HS6ST3: variants seen among roughly 807,000 people sequenced by gnomAD.
HS6ST3 encodes the protein heparan-sulfate 6-O-sulfotransferase 3.
A neutral mutation model predicts 36.7 loss-of-function variants in HS6ST3; 12 were observed. The observed-to-expected ratio is 0.33, with a 90% CI of 0.21 to 0.53. The LOEUF is 0.53. HS6ST3 is among the 20% of genes least tolerant of loss of function. The probability of loss-of-function intolerance (pLI) is 0.95; values close to 1 mark genes in which losing one functional copy is unlikely to be tolerated. For synonymous variants in HS6ST3, 240 were observed against 257.5 expected (o/e 0.93, Z 0.65); for missense variants, 584 against 640.9 (o/e 0.91, Z 0.96).
At chr13:96,400,290 CACACACAGACACACAGAT>C (rs2055443966) in intron 1 of HS6ST3, among the ~76,000 whole-genome samples, 2 of 143,928 alleles carry the variant, frequency 1.4e-5, no homozygotes, top group African/African-American at 5.1e-5. Flanking sequence ...CACATATAGA[CACACACAGACACACAGAT>C]ACACACACAC....
chr13:96,104,203 G>A (rs908704039), intron 1 of HS6ST3, among the ~76,000 whole-genome samples: 5 of 152,108 alleles, frequency 3.3e-5, no homozygotes, highest in East Asian at 1.9e-4. Context: ...AAGAAAGCAC[G>A]AAGTTACTTT....
chr13:96,223,363 A>G (rs750542584), intron 1 of HS6ST3, among the ~76,000 whole-genome samples: 4 of 152,222 alleles, frequency 2.6e-5, no homozygotes, highest in Non-Finnish European at 4.4e-5. Context: ...TGGTCAGCAC[A>G]GCCCCCAGAC....
chr13:96,800,990 C>A (rs1031207537), intron 1 of HS6ST3, among the ~76,000 whole-genome samples: 1 of 152,082 alleles, frequency 6.6e-6, no homozygotes, highest in Non-Finnish European at 1.5e-5. Context: ...TCCTTTAATT[C>A]TCAACCCAAT....
At chr13:96,527,958 T>TG (rs2056120548) in intron 1 of HS6ST3, among the ~76,000 whole-genome samples, 1 of 152,134 alleles carries the variant, frequency 6.6e-6, no homozygotes, top group African/African-American at 2.4e-5. Flanking sequence ...CCTTTCAAGG[T>TG]GGGGGCACTA....
chr13:96,154,240 GTT>G (rs1372404544), intron 1 of HS6ST3, among the ~76,000 whole-genome samples: 1 of 152,024 alleles, frequency 6.6e-6, no homozygotes, highest in Non-Finnish European at 1.5e-5. Context: ...TCATTGAACT[GTT>G]TCAACAGTGC....
intron 1 of HS6ST3, among the ~76,000 whole-genome samples, chr13:96,819,603 A>T (rs1208864311): frequency 2.6e-5 from 4 of 152,224 alleles, no homozygotes; most frequent in Non-Finnish European, 5.9e-5. Flanking sequence ...CAGGCCACGC[A>T]GTGTACCATT....
intron 1 of HS6ST3, among the ~76,000 whole-genome samples, chr13:96,786,749 G>T (rs1372434254): frequency 6.6e-6 from 1 of 151,980 alleles, no homozygotes; most frequent in Non-Finnish European, 1.5e-5. Flanking sequence ...TTTTTATATA[G>T]TCAAATTGAC....
intron 1 of HS6ST3, among the ~76,000 whole-genome samples, chr13:96,548,612 A>G (rs1336576377): frequency 6.6e-6 from 1 of 152,178 alleles, no homozygotes; most frequent in Non-Finnish European, 1.5e-5. Flanking sequence ...ACCTATGTGT[A>G]TGTCTATCTA....
At chr13:96,472,327 C>T (rs1191814895) in intron 1 of HS6ST3, among the ~76,000 whole-genome samples, 2 of 152,166 alleles carry the variant, frequency 1.3e-5, no homozygotes, top group Non-Finnish European at 2.9e-5. Flanking sequence ...TCTCTTCAGT[C>T]TCATTTCTTT....
chr13:96,670,845 G>A (rs1003262206), intron 1 of HS6ST3, among the ~76,000 whole-genome samples: 16 of 152,070 alleles, frequency 1.1e-4, no homozygotes, highest in African/African-American at 1.9e-4. Flanking sequence ...TTTTGCATCT[G>A]TGCAGCCAGA....
chr13:96,364,219 T>G lies in HS6ST3; in HGVS notation c.707+272650T>G, dbSNP rs142221103. On this transcript the variant is annotated intron_variant, in intron 1 of 1. Coordinates refer to ENST00000376705, the MANE Select transcript of HS6ST3 (RefSeq NM_153456.4). The stretch of plus-strand genomic sequence containing the variant: ...GGTGCAACCACCATGGAAAACAGTT[T>G]GATGATGCCTCAAAAAGTTAAACAT... Among the ~76,000 whole-genome samples the G allele has an allele frequency of 4.6e-5, 7 of 152,266 alleles. 1 individual carries two copies. The highest frequency in any genetic ancestry group is 1.7e-4 in the African/African-American group (7 of 41,566).
intron 1 of HS6ST3, among the ~76,000 whole-genome samples, chr13:96,203,043 A>G (rs759399200): frequency 1.2e-4 from 19 of 152,064 alleles, no homozygotes; most frequent in Admixed American, 3.3e-4. Context: ...TCATTTACTC[A>G]TTCATGTTAC....
intron 1 of HS6ST3, among the ~76,000 whole-genome samples, chr13:96,503,058 T>G (rs1241824925): frequency 1.3e-5 from 2 of 152,222 alleles, no homozygotes; most frequent in Non-Finnish European, 2.9e-5. Flanking sequence ...AGAGTTTTTC[T>G]TCTTAAATGA....
intron 1 of HS6ST3, among the ~76,000 whole-genome samples, chr13:96,136,239 A>G (rs112626812): frequency 0.012 from 1,823 of 152,288 alleles, 41 homozygotes; most frequent in African/African-American, 0.042. Context: ...TTTATTGTGT[A>G]TTGTATTAGT....
At chr13:96,658,453 T>C (rs897068049) in intron 1 of HS6ST3, among the ~76,000 whole-genome samples, 1 of 150,594 alleles carries the variant, frequency 6.6e-6, no homozygotes, top group Non-Finnish European at 1.5e-5. Flanking sequence ...GCTAATTTTT[T>C]AATATTTTTA....
chr13:96,615,944 A>C (rs2056472926), intron 1 of HS6ST3, among the ~76,000 whole-genome samples: 1 of 152,206 alleles, frequency 6.6e-6, no homozygotes, highest in Admixed American at 6.5e-5. Flanking sequence ...TAGTAAATGA[A>C]ACTTTCCTAC....
chr13:96,728,851 AGAGT>A (rs1876071638), intron 1 of HS6ST3, among the ~76,000 whole-genome samples: 1 of 152,160 alleles, frequency 6.6e-6, no homozygotes, highest in South Asian at 2.1e-4. Flanking sequence ...AATAAAAGAC[AGAGT>A]GTTTGTGATG....
chr13:96,451,782 A>T (rs1258359935), intron 1 of HS6ST3, among the ~76,000 whole-genome samples: 1 of 152,208 alleles, frequency 6.6e-6, no homozygotes, highest in African/African-American at 2.4e-5. Context: ...TATTTTTGTG[A>T]TAATGAGAGG....
At chr13:96,359,897 A>G (rs1026809872) in intron 1 of HS6ST3, among the ~76,000 whole-genome samples, 2 of 152,158 alleles carry the variant, frequency 1.3e-5, no homozygotes, top group Non-Finnish European at 2.9e-5. Flanking sequence ...CAGAGGAGAA[A>G]CTTGCACTGA....
Sources: allele counts gnomAD v4.1 joint callset (sites outside exome capture counted in the v4.1 genomes callset), GRCh38; gene constraint gnomAD v4.1.1; transcripts MANE v1.5; gene names NCBI Gene and HGNC (gene_info 2026-07-23, HGNC 2026-07-21).